The following LRRC49 variants were observed in gnomAD, a reference collection of about 807,000 sequenced individuals.
LRRC49 encodes the protein leucine-rich repeat-containing protein 49.
LRRC49 carries 50 observed loss-of-function variants against 83.3 expected under a neutral mutation model. The ratio of observed to expected loss-of-function variants is 0.60; its 90% confidence interval spans 0.48 to 0.76. The LOEUF (loss-of-function observed/expected upper bound fraction) is 0.76, where lower values mean the gene tolerates loss of function less well. Ranked by LOEUF, LRRC49 falls within the 30% of genes least tolerant of loss-of-function variation. The pLI is 0.00. For synonymous variants in LRRC49, 286 were observed against 283.3 expected (o/e 1.01, Z -0.10); for missense variants, 704 against 809.1 (o/e 0.87, Z 1.58).
chr15:70,874,786 A>C (rs2033118221), intron 2 of LRRC49, among the ~76,000 whole-genome samples: 1 of 152,246 alleles, frequency 6.6e-6, no homozygotes, highest in South Asian at 2.1e-4. Context: ...CATTGGAACA[A>C]GTACTGAGGA....
At chr15:71,031,938 A>C (rs1166172147) in intron 14 of LRRC49, among the ~76,000 whole-genome samples, 1 of 152,142 alleles carries the variant, frequency 6.6e-6, no homozygotes, top group African/African-American at 2.4e-5. Context: ...ACTCTGTGGG[A>C]GTGGGACCCA....
intron 15 of LRRC49, among the ~76,000 whole-genome samples, chr15:71,047,407 T>C (rs893064077): frequency 2.6e-5 from 4 of 152,246 alleles, no homozygotes; most frequent in Non-Finnish European, 5.9e-5. Flanking sequence ...TTCACCTTCT[T>C]AGCTGTATTC....
chr15:70,860,438 G>A (rs1376459092), intron 1 of LRRC49, among the ~76,000 whole-genome samples: 1 of 152,202 alleles, frequency 6.6e-6, no homozygotes, highest in Non-Finnish European at 1.5e-5. Flanking sequence ...AAGGAGAGAT[G>A]AGGTCTCACT....
chr15:70,952,636 C>G (rs1383474207), intron 8 of LRRC49, among the ~76,000 whole-genome samples: 4 of 152,076 alleles, frequency 2.6e-5, no homozygotes, highest in African/African-American at 9.7e-5. Flanking sequence ...CTGTAGATGT[C>G]TATTAGGTCC....
chr15:70,902,193 T>G (rs2034114119), intron 4 of LRRC49, among the ~76,000 whole-genome samples: 1 of 152,184 alleles, frequency 6.6e-6, no homozygotes, highest in South Asian at 2.1e-4. Context: ...TTTGGTAACT[T>G]TTCTCTTGAT....
chr15:70,881,084 C>T (rs2033254152), intron 2 of LRRC49, among the ~76,000 whole-genome samples: 1 of 152,078 alleles, frequency 6.6e-6, no homozygotes, highest in South Asian at 2.1e-4. Flanking sequence ...AACAAATTAG[C>T]TGGGTATGGT....
intron 8 of LRRC49, among the ~76,000 whole-genome samples, chr15:70,959,861 C>T (rs1489333318): frequency 6.6e-6 from 1 of 152,126 alleles, no homozygotes; most frequent in Non-Finnish European, 1.5e-5. Context: ...AACAGATGAT[C>T]AAAGTATGTT....
At chr15:70,992,512 G>A (rs1309890737) in intron 11 of LRRC49, among the ~76,000 whole-genome samples, 1 of 152,176 alleles carries the variant, frequency 6.6e-6, no homozygotes, top group Non-Finnish European at 1.5e-5. Flanking sequence ...CCGTTTGTTA[G>A]TTTTCCTTCT....
chr15:70,939,637 C>T (rs1208090101), intron 8 of LRRC49, among the ~76,000 whole-genome samples: 2 of 152,028 alleles, frequency 1.3e-5, no homozygotes, highest in Non-Finnish European at 1.5e-5. Context: ...CAATGAGGTA[C>T]GTTGTCTGTA....
chr15:70,984,634 CTATTATTATTATACTTTAAGTTT>C lies in LRRC49; in HGVS notation c.1169+380_1169+402del, dbSNP rs1257567775. The C allele has an allele frequency of 6.5e-5, 10 of 154,762 alleles. No homozygotes were observed. The East Asian group carries it at 1.9e-3, about 29-fold the overall frequency. 9.6% of individuals were successfully genotyped at this position (154,762 alleles called of 1,614,324 possible). A position where few individuals can be genotyped will look rare whatever the true frequency, so the allele number is the denominator to read the frequency against. ...GAACATTTCTTTTTTATTATTATTA[CTATTATTATTATACTTTAAGTTT>C]TAGGGTACATGTGCACAATGTGCAG... On this transcript the variant is annotated intron_variant, in intron 11 of 15. Transcript: ENST00000260382.
At chr15:70,938,231 TG>T (rs1001436303) in intron 8 of LRRC49, among the ~76,000 whole-genome samples, 7 of 152,112 alleles carry the variant, frequency 4.6e-5, no homozygotes, top group African/African-American at 1.7e-4. Flanking sequence ...AAGTTGGTTT[TG>T]GTTGCCTATA....
At chr15:70,980,220 C>CT in intron 10 of LRRC49, 36 bp downstream of exon 10, 1 of 1,427,810 alleles carries the variant, frequency 7.0e-7, no homozygotes, top group Non-Finnish European at 9.7e-7. Context: ...TGTGTGTGCA[C>CT]ACGTAGACAC....
At chr15:70,973,656 G>A (rs2037097699) in intron 9 of LRRC49, among the ~76,000 whole-genome samples, 1 of 152,164 alleles carries the variant, frequency 6.6e-6, no homozygotes, top group South Asian at 2.1e-4. Flanking sequence ...TGGGGCTGCT[G>A]CCTTTCTTTC....
intron 7 of LRRC49, among the ~76,000 whole-genome samples, chr15:70,922,000 T>C (rs1425528772): frequency 6.6e-6 from 1 of 152,136 alleles, no homozygotes; most frequent in African/African-American, 2.4e-5. Flanking sequence ...TTATGAAGTG[T>C]CTTATATCCA....
At chr15:71,032,252 C>T (rs987523435) in intron 14 of LRRC49, among the ~76,000 whole-genome samples, 59 of 152,272 alleles carry the variant, frequency 3.9e-4, no homozygotes, top group African/African-American at 1.4e-3. Flanking sequence ...GCTCCTTGCA[C>T]TTCCCAGGTG....
chr15:70,987,065 A>G (rs2037652150), intron 11 of LRRC49, among the ~76,000 whole-genome samples: 1 of 152,168 alleles, frequency 6.6e-6, no homozygotes, highest in South Asian at 2.1e-4. Context: ...TTTTGCATCA[A>G]TGTTCATCAA....
At chr15:71,030,521 T>A (rs1409580822) in intron 14 of LRRC49, among the ~76,000 whole-genome samples, 4 of 152,162 alleles carry the variant, frequency 2.6e-5, no homozygotes, top group Non-Finnish European at 5.9e-5. Context: ...GAGGAGTATC[T>A]TAGTGGTGTT....
chr15:70,906,098 CTTTTTTTTTTT>C (rs976292654), intron 5 of LRRC49, among the ~76,000 whole-genome samples: 1 of 130,840 alleles, frequency 7.6e-6, no homozygotes, highest in Non-Finnish European at 1.6e-5. Context: ...ATTTTTTTTT[CTTTTTTTTTTT>C]TTTTTTGAGA....
At chr15:70,889,544 T>C (rs1349036330), upstream of LRRC49, among the ~76,000 whole-genome samples, 2 of 152,202 alleles carry the variant, frequency 1.3e-5, no homozygotes, top group Non-Finnish European at 2.9e-5. Flanking sequence ...CTTTTCTGTG[T>C]ATTTGCTATA....
Sources: allele counts gnomAD v4.1 joint callset (sites outside exome capture counted in the v4.1 genomes callset), GRCh38; gene constraint gnomAD v4.1.1; transcripts MANE v1.5; gene names NCBI Gene and HGNC (gene_info 2026-07-23, HGNC 2026-07-21).